The following FHIP1A variants were observed in gnomAD, a reference collection of about 807,000 sequenced individuals.
FHIP1A encodes the protein FHF complex subunit HOOK-interacting protein 1A.
A neutral mutation model predicts 88.6 loss-of-function variants in FHIP1A; 61 were observed. The ratio of observed to expected loss-of-function variants is 0.69; its 90% CI spans 0.56 to 0.85. The LOEUF (loss-of-function observed/expected upper bound fraction) is 0.85. Ranked by LOEUF, FHIP1A falls within the 40% of genes least tolerant of loss-of-function variation. The pLI is 0.00. For synonymous variants in FHIP1A, 478 were observed against 496.0 expected, an observed-to-expected ratio of 0.96 and a Z score of 0.48; for missense variants, 1,154 against 1,273.5, an observed-to-expected ratio of 0.91 and a Z score of 1.43.
At chr4:151,427,252 T>G (rs553956474) in intron 1 of FHIP1A, among the ~76,000 whole-genome samples, 1 of 152,280 alleles carries the variant, frequency 6.6e-6, no homozygotes, top group Admixed American at 6.5e-5. Flanking sequence ...GAAGTCAGTT[T>G]ATTGACTTAT....
chr4:151,508,484 G>A (rs1730908997), intron 3 of FHIP1A, among the ~76,000 whole-genome samples: 1 of 152,178 alleles, frequency 6.6e-6, no homozygotes, highest in African/African-American at 2.4e-5. Context: ...GTGGCTGTAG[G>A]TGGTCCAGGG....
intron 1 of FHIP1A, among the ~76,000 whole-genome samples, chr4:151,437,924 T>C (rs1728261712): frequency 6.6e-6 from 1 of 152,248 alleles, no homozygotes. Context: ...AAATATGTTA[T>C]TATATTTTAT....
At chr4:151,488,683 A>G (rs1380837028) in intron 3 of FHIP1A, among the ~76,000 whole-genome samples, 1 of 152,210 alleles carries the variant, frequency 6.6e-6, no homozygotes, top group Non-Finnish European at 1.5e-5. Context: ...ATGCTGCCAT[A>G]GTATTCCATT....
intron 7 of FHIP1A, among the ~76,000 whole-genome samples, chr4:151,623,521 C>CTTTTTT (rs747837424): frequency 3.4e-5 from 3 of 88,198 alleles, no homozygotes; most frequent in African/African-American, 4.5e-5. Context: ...CTTCCTGGTC[C>CTTTTTT]TTTTTTTTTT....
intron 2 of FHIP1A, among the ~76,000 whole-genome samples, chr4:151,462,680 A>G (rs2709819): frequency 0.52 from 79,017 of 151,954 alleles, 20,845 homozygotes; most frequent in African/African-American, 0.55. Context: ...TAGCAATTGA[A>G]ATTTGATGAG....
At chr4:151,523,096 A>G (rs113440295) in intron 3 of FHIP1A, among the ~76,000 whole-genome samples, 2,194 of 152,274 alleles carry the variant, frequency 0.014, 48 homozygotes, top group African/African-American at 0.051. Context: ...ATGGTAATAC[A>G]TTTGGTTAGG....
chr4:151,553,737 C>T (rs1732836986), intron 3 of FHIP1A, among the ~76,000 whole-genome samples: 1 of 152,050 alleles, frequency 6.6e-6, no homozygotes, highest in Non-Finnish European at 1.5e-5. Flanking sequence ...CATTGTTTTG[C>T]CTATTTCCAA....
At chr4:151,431,731 A>G (rs1404450043) in intron 1 of FHIP1A, among the ~76,000 whole-genome samples, 1 of 152,194 alleles carries the variant, frequency 6.6e-6, no homozygotes, top group Non-Finnish European at 1.5e-5. Context: ...TTAAATAATG[A>G]CCCATTCAAG....
At chr4:151,544,888 G>A (rs1732430325) in intron 3 of FHIP1A, among the ~76,000 whole-genome samples, 1 of 152,122 alleles carries the variant, frequency 6.6e-6, no homozygotes. Context: ...ACCAGCCTGG[G>A]TAACATAGGG....
chr4:151,540,287 ATAGAG>A (rs1357875942), intron 3 of FHIP1A, among the ~76,000 whole-genome samples: 1 of 152,178 alleles, frequency 6.6e-6, no homozygotes, highest in East Asian at 1.9e-4. Flanking sequence ...TGCTAATAAA[ATAGAG>A]TAGTTGACCA....
intron 3 of FHIP1A, among the ~76,000 whole-genome samples, chr4:151,507,070 C>A (rs1456514992): frequency 6.6e-6 from 1 of 152,180 alleles, no homozygotes; most frequent in Admixed American, 6.5e-5. Flanking sequence ...GGCACTGCTT[C>A]ATTAAGTGAT....
intron 1 of FHIP1A, among the ~76,000 whole-genome samples, chr4:151,435,173 GTCCTA>G (rs1408460795): frequency 9.8e-4 from 35 of 35,708 alleles, no homozygotes; most frequent in Non-Finnish European, 2.3e-3. Context: ...GCTAACTATA[GTCCTA>G]TAGTCACCTT....
At chr4:151,589,670 G>A (rs1315746730) in intron 7 of FHIP1A, among the ~76,000 whole-genome samples, 1 of 152,180 alleles carries the variant, frequency 6.6e-6, no homozygotes, top group African/African-American at 2.4e-5. Context: ...TTGATGGAAT[G>A]CCCACCATTC....
intron 7 of FHIP1A, among the ~76,000 whole-genome samples, chr4:151,592,308 G>A (rs1553957731): frequency 6.6e-6 from 1 of 152,020 alleles, no homozygotes; most frequent in Non-Finnish European, 1.5e-5. Flanking sequence ...CTAATTTTTT[G>A]TATTTTTAGT....
chr4:151,588,309 C>G (rs778854465), intron 6 of FHIP1A, among the ~76,000 whole-genome samples: 4 of 151,796 alleles, frequency 2.6e-5, no homozygotes, highest in Non-Finnish European at 5.9e-5. Context: ...TTTTAAATGC[C>G]TTTTCTTTAA....
chr4:151,642,681 G>T (rs916284248), intron 9 of FHIP1A, among the ~76,000 whole-genome samples: 21 of 152,030 alleles, frequency 1.4e-4, no homozygotes, highest in Middle Eastern at 3.2e-3. Flanking sequence ...TGTTTTGCTT[G>T]TGTTTATGGT....
intron 1 of FHIP1A, among the ~76,000 whole-genome samples, chr4:151,429,100 T>A (rs1733494640): frequency 6.6e-6 from 1 of 151,364 alleles, no homozygotes. Context: ...TTCATAGTGT[T>A]TGGGTCTCAC....
intron 11 of FHIP1A, among the ~76,000 whole-genome samples, chr4:151,655,661 C>T (rs573950998): frequency 6.6e-6 from 1 of 152,254 alleles, no homozygotes; most frequent in East Asian, 1.9e-4. Context: ...CACATTACGA[C>T]ACTTGACAAA....
chr4:151,610,463 T>C (rs1035639828), intron 7 of FHIP1A, among the ~76,000 whole-genome samples: 9 of 152,216 alleles, frequency 5.9e-5, no homozygotes, highest in African/African-American at 2.2e-4. Flanking sequence ...TAGAGAATTG[T>C]AGAAATCAGG....
Sources: gnomAD v4.1 joint callset for allele counts (sites outside exome capture counted in the v4.1 genomes callset) on GRCh38, gnomAD v4.1.1 for gene constraint, MANE v1.5 for transcripts, NCBI Gene and HGNC (gene_info 2026-07-23, HGNC 2026-07-21) for gene names.